Variants in NUP210L observed in about 807,000 individuals in gnomAD.
NUP210L encodes the protein nucleoporin 210 like, also known as nuclear pore membrane glycoprotein 210-like.
NUP210L carries 74 observed loss-of-function variants against 208.5 expected under a neutral mutation model. The observed-to-expected ratio is 0.35, with a 90% confidence interval of 0.29 to 0.43. The LOEUF (loss-of-function observed/expected upper bound fraction) is 0.43, where lower values mean the gene tolerates loss of function less well. Among genes scored for constraint, NUP210L ranks in the 20% least tolerant of loss-of-function variants. The pLI, the probability that NUP210L is intolerant of heterozygous loss-of-function variation, is 1.00. For synonymous variants in NUP210L, 780 were observed against 816.9 expected (o/e 0.95, Z 0.77); for missense variants, 1,843 against 2,289.4 (o/e 0.81, Z 3.98).
chr1:154,105,504 C>A (rs574153176), intron 12 of NUP210L, among the ~76,000 whole-genome samples: 2 of 151,350 alleles, frequency 1.3e-5, no homozygotes, highest in Non-Finnish European at 2.9e-5. Flanking sequence ...AAAAAGAGCC[C>A]TTGGGCCTTG....
intron 29 of NUP210L, among the ~76,000 whole-genome samples, chr1:154,026,371 G>A (rs191388068): frequency 1.9e-4 from 29 of 152,184 alleles, no homozygotes; most frequent in Non-Finnish European, 3.8e-4. Context: ...TTTTTGAGAC[G>A]GAGTTTCGCT....
At chr1:154,045,666 T>G (rs1013121665) in intron 27 of NUP210L, among the ~76,000 whole-genome samples, 1 of 152,090 alleles carries the variant, frequency 6.6e-6, no homozygotes, top group Admixed American at 6.6e-5. Flanking sequence ...TTGTGTAGTT[T>G]AGGGAGTGAG....
intron 4 of NUP210L, among the ~76,000 whole-genome samples, chr1:154,140,921 G>C (rs1402171167): frequency 1.3e-5 from 2 of 150,454 alleles, no homozygotes; most frequent in Non-Finnish European, 3.0e-5. Flanking sequence ...GTGAACCCGG[G>C]AGGCAGAGGT....
At chr1:154,061,905 C>T (rs1431190181) in intron 17 of NUP210L, among the ~76,000 whole-genome samples, 2 of 151,966 alleles carry the variant, frequency 1.3e-5, no homozygotes, top group Non-Finnish European at 1.5e-5. Flanking sequence ...GTGATCTCGG[C>T]TTACCACAAC....
intron 30 of NUP210L, among the ~76,000 whole-genome samples, chr1:154,024,688 ATT>A (rs35432384): frequency 2.2e-5 from 3 of 136,488 alleles, no homozygotes; most frequent in Admixed American, 7.6e-5. Context: ...AAGCCCGGCT[ATT>A]TTTTTTTTTT....
intron 13 of NUP210L, among the ~76,000 whole-genome samples, chr1:154,101,260 C>T (rs1409823757): frequency 6.6e-6 from 1 of 150,994 alleles, no homozygotes; most frequent in South Asian, 2.1e-4. Flanking sequence ...AGGTGGATCA[C>T]CTGAGGTCAG....
intron 22 of NUP210L, among the ~76,000 whole-genome samples, 161 bp downstream of exon 22, chr1:154,057,928 G>A (rs746961652): frequency 3.3e-5 from 5 of 152,120 alleles, no homozygotes; most frequent in African/African-American, 4.8e-5. Flanking sequence ...ATTTTGTAGA[G>A]AGCTGAATAT....
At chr1:154,144,121 T>C (rs1057083967) in intron 2 of NUP210L, among the ~76,000 whole-genome samples, 30 of 151,900 alleles carry the variant, frequency 2.0e-4, no homozygotes, top group Admixed American at 1.3e-3. Flanking sequence ...ACAGAGGTTG[T>C]AGGGAGTCGA....
chr1:154,043,747 C>T (rs1018740674), intron 27 of NUP210L, among the ~76,000 whole-genome samples: 1 of 151,696 alleles, frequency 6.6e-6, no homozygotes, highest in Non-Finnish European at 1.5e-5. Flanking sequence ...CTGCTTCCGC[C>T]TCTCAAGTAG....
chr1:153,995,638 C>T (rs1649806279), intron 37 of NUP210L: 1 of 1,299,840 alleles, frequency 7.7e-7, no homozygotes, highest in East Asian at 2.3e-5. Flanking sequence ...CAGAATGGTC[C>T]AGCGTTTGAC....
At chr1:153,994,768 C>T (rs1173687761) in intron 38 of NUP210L, among the ~76,000 whole-genome samples, 1 of 150,964 alleles carries the variant, frequency 6.6e-6, no homozygotes, top group Non-Finnish European at 1.5e-5. Context: ...AATCCCAGCA[C>T]TTTGGGAGGC....
At chr1:154,060,075 CT>C (rs1557947767) in intron 20 of NUP210L, among the ~76,000 whole-genome samples, 1 of 152,124 alleles carries the variant, frequency 6.6e-6, no homozygotes, top group African/African-American at 2.4e-5. Flanking sequence ...CCTATCTCTA[CT>C]AAAAATACAA....
At chr1:154,073,743 A>G (rs1431872649) in intron 16 of NUP210L, among the ~76,000 whole-genome samples, 21 of 151,592 alleles carry the variant, frequency 1.4e-4, no homozygotes, top group Admixed American at 2.0e-4. Context: ...TGAACCTGGG[A>G]GGTGGGGGTT....
intron 27 of NUP210L, among the ~76,000 whole-genome samples, chr1:154,040,838 G>A (rs1033808664): frequency 1.2e-4 from 19 of 152,060 alleles, no homozygotes; most frequent in Non-Finnish European, 2.1e-4. Context: ...TGATCCGCCC[G>A]CCTCGGCCTC....
intron 12 of NUP210L, among the ~76,000 whole-genome samples, chr1:154,112,897 C>G (rs1050677535): frequency 4.7e-5 from 7 of 149,080 alleles, no homozygotes; most frequent in Admixed American, 1.3e-4. Flanking sequence ...TGGCTCATGG[C>G]TATAATCCTA....
intron 2 of NUP210L, among the ~76,000 whole-genome samples, chr1:154,143,919 T>C (rs78794516): frequency 1.1e-4 from 16 of 152,294 alleles, no homozygotes; most frequent in African/African-American, 2.9e-4. Flanking sequence ...TGGTGGCTCA[T>C]GCCTGTAATC....
At chr1:154,110,688 G>A (rs1656994081) in intron 12 of NUP210L, among the ~76,000 whole-genome samples, 1 of 151,446 alleles carries the variant, frequency 6.6e-6, no homozygotes, top group East Asian at 1.9e-4. Flanking sequence ...AGACCAGCCT[G>A]AACAACATGG....
chr1:154,139,311 T>A (rs1244237548), intron 5 of NUP210L, among the ~76,000 whole-genome samples: 1 of 152,082 alleles, frequency 6.6e-6, no homozygotes, highest in Non-Finnish European at 1.5e-5. Context: ...CAAGGATTGG[T>A]GAATAAAATG....
chr1:154,064,088 G>A (rs768874983), intron 17 of NUP210L, among the ~76,000 whole-genome samples: 3 of 151,364 alleles, frequency 2.0e-5, no homozygotes, highest in Non-Finnish European at 4.4e-5. Context: ...AGGTGGTGGG[G>A]GGTCTCACTA....
Sources: gnomAD v4.1 joint callset for allele counts (sites outside exome capture counted in the v4.1 genomes callset) on GRCh38, gnomAD v4.1.1 for gene constraint, MANE v1.5 for transcripts, NCBI Gene and HGNC (gene_info 2026-07-23, HGNC 2026-07-21) for gene names.